Variants in USP8 observed in about 807,000 individuals in gnomAD.
USP8 encodes ubiquitin specific peptidase 8, also known as ubiquitin carboxyl-terminal hydrolase 8.
Under a neutral mutation model 130.0 loss-of-function variants are expected in USP8, and 27 were observed. That is an observed-to-expected ratio of 0.21 (90% CI 0.15 to 0.29). The LOEUF is 0.29. Among genes scored for constraint, USP8 ranks in the 10% least tolerant of loss-of-function variants. USP8 has a pLI of 1.00. For missense variants in USP8, 1,029 were observed against 1,312.2 expected (o/e 0.78, Z 3.33); for synonymous variants, 392 against 444.1 (o/e 0.88, Z 1.48).
intron 1 of USP8, among the ~76,000 whole-genome samples, chr15:50,428,959 G>A (rs1376256350): frequency 6.6e-6 from 1 of 152,192 alleles, no homozygotes; most frequent in African/African-American, 2.4e-5. Flanking sequence ...AACTGAGACG[G>A]CCACTTAGTG....
intron 18 of USP8, 199 bp downstream of exon 18, chr15:50,497,430 A>C: frequency 2.2e-6 from 1 of 448,484 alleles, no homozygotes; most frequent in Non-Finnish European, 3.7e-6. Flanking sequence ...GCAAAATGAC[A>C]ATACCACTAT....
chr15:50,481,069 G>T (rs2051750162), intron 10 of USP8, among the ~76,000 whole-genome samples: 1 of 150,326 alleles, frequency 6.7e-6, no homozygotes, highest in African/African-American at 2.4e-5. Flanking sequence ...TCGGGGTGGG[G>T]GGAATCGTGA....
intron 5 of USP8, among the ~76,000 whole-genome samples, chr15:50,459,451 G>A (rs1345188700): frequency 6.6e-6 from 1 of 152,040 alleles, no homozygotes; most frequent in Non-Finnish European, 1.5e-5. Context: ...GGATGTGGTG[G>A]TGCATGCCTG....
Position 50,507,142 on chromosome 15 carries a change from G to C in USP8, c.*8054G>C, listed in dbSNP as rs1254444314. 2.0e-5 allele frequency: 3 copies of C among 152,420 alleles called. No homozygotes were observed. Among genetic ancestry groups the C allele is most frequent in the Non-Finnish European group, 4.4e-5 (3 of 68,216 alleles). The allele number at this position is 152,420 out of a possible 1,614,324, so 9.4% of individuals were successfully genotyped here. On this transcript the variant is annotated 3_prime_UTR_variant, in exon 20 of 20. Transcript: ENST00000307179. ...TACTAAAAATACAAAAATTAGCTGG[G>C]TCTGGTGGCACATGCCAGTAATCCC...
intron 3 of USP8, among the ~76,000 whole-genome samples, chr15:50,443,016 G>A (rs2050310741): frequency 6.6e-6 from 1 of 152,046 alleles, no homozygotes; most frequent in African/African-American, 2.4e-5. Context: ...AATTTCGTTT[G>A]TTCTTTGATG....
In USP8 at chr15:50,441,503, A is replaced by G; in HGVS notation, c.249+10A>G. 2 of 1,543,668 alleles carry G rather than the reference A, an allele frequency of 1.3e-6. No individual in the cohort carries two copies. The highest frequency in any genetic ancestry group is 1.7e-6 in the Non-Finnish European group (2 of 1,153,766). ...TTTCAAGCAACAGCAGGTACCTTTTATTTTTGCATTGTTATTTCCTAAGTT... is the reference window on the plus strand; with the variant it reads ...TTTCAAGCAACAGCAGGTACCTTTTGTTTTTGCATTGTTATTTCCTAAGTT... On this transcript the variant is annotated intron_variant, in intron 3 of 19. Transcript: ENST00000307179.
At chr15:50,474,516 C>T (rs2051494993) in intron 8 of USP8, among the ~76,000 whole-genome samples, 1 of 152,144 alleles carries the variant, frequency 6.6e-6, no homozygotes, top group Non-Finnish European at 1.5e-5. Context: ...CTGGCATTGA[C>T]CTACAAATGG....
At chr15:50,426,202 C>T (rs925229388) in intron 1 of USP8, among the ~76,000 whole-genome samples, 1 of 151,988 alleles carries the variant, frequency 6.6e-6, no homozygotes, top group East Asian at 1.9e-4. Context: ...AAAATAAAGC[C>T]AGTACATTAA....
At chr15:50,457,564 G>GA (rs527284552) in intron 4 of USP8, among the ~76,000 whole-genome samples, 18,609 of 89,280 alleles carry the variant, frequency 0.21, 1,640 homozygotes, top group Middle Eastern at 0.38. Flanking sequence ...TCTCAAAAAA[G>GA]AAAAAAAAAA....
At chr15:50,490,235 C>T (rs531193803) in intron 13 of USP8, 28 bp from the exon 14 acceptor site, 14 of 1,566,010 alleles carry the variant, frequency 8.9e-6, no homozygotes, top group East Asian at 6.8e-5. Context: ...GTTTTTTGAC[C>T]TGTTTTTTTT....
intron 8 of USP8, among the ~76,000 whole-genome samples, chr15:50,474,999 C>T (rs1032798667): frequency 6.6e-6 from 1 of 152,066 alleles, no homozygotes; most frequent in Non-Finnish European, 1.5e-5. Context: ...ATCCCAGGTA[C>T]TGAGGAGGCT....
At chr15:50,490,059 A>G (rs2052102102) in intron 13 of USP8, among the ~76,000 whole-genome samples, 178 bp downstream of exon 13, 1 of 152,220 alleles carries the variant, frequency 6.6e-6, no homozygotes, top group Admixed American at 6.5e-5. Flanking sequence ...GATGCTGGCT[A>G]CAATATATGA....
chr15:50,476,583 G>A (rs775791821), intron 8 of USP8, among the ~76,000 whole-genome samples: 2 of 152,166 alleles, frequency 1.3e-5, no homozygotes, highest in African/African-American at 4.8e-5. Context: ...TATTGGGGTG[G>A]TGAGGTTATG....
chr15:50,450,462 C>CTTTTTTTTTTTTTT lies in USP8; in HGVS notation c.335+988_335+1001dup, dbSNP rs35800074. ...TTTCAGTTTTTAGTCGTTAGTCATT[C>CTTTTTTTTTTTTTT]TTTTTTTTTTTTTTTTTTTTTTTTG... On this transcript the variant is annotated intron_variant, in intron 4 of 19. Coordinates refer to ENST00000307179, the MANE Select transcript of USP8 (RefSeq NM_005154.5). Among the ~76,000 whole-genome samples the CTTTTTTTTTTTTTT allele has an allele frequency of 1.7e-4, 14 of 80,456 alleles. 1 individual carries two copies. The highest frequency in any genetic ancestry group is 1.5e-3 in the South Asian group (3 of 2,034). 52.8% of individuals were successfully genotyped at this position (80,456 alleles called of 152,430 possible).
At chr15:50,489,459 T>G (rs1566884431) in intron 12 of USP8, 1 of 156,256 alleles carries the variant, frequency 6.4e-6, no homozygotes, top group Non-Finnish European at 1.4e-5. Context: ...TACCTTGAGA[T>G]GCAAAATTAA....
intron 4 of USP8, among the ~76,000 whole-genome samples, chr15:50,454,228 C>T (rs1156475220): frequency 2.0e-5 from 3 of 152,062 alleles, no homozygotes; most frequent in African/African-American, 7.2e-5. Context: ...TTTTAATTTT[C>T]CCTTTTGTCA....
At chr15:50,460,301 CTTT>C (rs1168064692) in intron 5 of USP8, among the ~76,000 whole-genome samples, 6 of 77,384 alleles carry the variant, frequency 7.8e-5, no homozygotes, top group Admixed American at 1.7e-4. Flanking sequence ...CCTGGCTCTT[CTTT>C]TTTTTTTTTT....
intron 4 of USP8, chr15:50,458,729 T>A: frequency 3.0e-6 from 1 of 334,740 alleles, no homozygotes; most frequent in South Asian, 4.0e-5. Context: ...TTTGAATCAA[T>A]ATAAAAGGTT....
intron 2 of USP8, among the ~76,000 whole-genome samples, chr15:50,439,777 C>T (rs1023622474): frequency 5.0e-5 from 7 of 140,780 alleles, no homozygotes; most frequent in East Asian, 2.1e-4. Flanking sequence ...GCAATAAGAG[C>T]GAAACTCTGT....
Sources: allele counts gnomAD v4.1 joint callset (sites outside exome capture counted in the v4.1 genomes callset), GRCh38; gene constraint gnomAD v4.1.1; transcripts MANE v1.5; gene names NCBI Gene and HGNC (gene_info 2026-07-23, HGNC 2026-07-21).